VPS13B: variants seen among roughly 807,000 people sequenced by gnomAD.
VPS13B encodes intermembrane lipid transfer protein VPS13B.
Under a neutral mutation model 426.4 loss-of-function variants are expected in VPS13B, and 285 were observed. The ratio of observed to expected loss-of-function variants is 0.67; its 90% CI spans 0.61 to 0.74. VPS13B has a LOEUF of 0.74. Ranked by LOEUF, VPS13B falls within the 30% of genes least tolerant of loss-of-function variation. The pLI is 0.00. For synonymous variants in VPS13B, 1,676 were observed against 1,676.4 expected, an observed-to-expected ratio of 1.00 and a Z score of 0.01; for missense variants, 4,537 against 4,782.6, an observed-to-expected ratio of 0.95 and a Z score of 1.51.
chr8:99,230,743 C>T (rs1816276211), intron 17 of VPS13B, among the ~76,000 whole-genome samples: 1 of 152,194 alleles, frequency 6.6e-6, no homozygotes, highest in Non-Finnish European at 1.5e-5. Context: ...TATACCATGA[C>T]TGTTCTATAA....
intron 3 of VPS13B, among the ~76,000 whole-genome samples, 180 bp from the exon 4 acceptor site, chr8:99,096,131 TA>T (rs1414701441): frequency 6.6e-6 from 1 of 152,146 alleles, no homozygotes; most frequent in East Asian, 1.9e-4. Flanking sequence ...TAATATTTTT[TA>T]AATGCTGTTT....
At chr8:99,315,098 T>C (rs777304777) in intron 19 of VPS13B, among the ~76,000 whole-genome samples, 4 of 152,204 alleles carry the variant, frequency 2.6e-5, no homozygotes, top group Non-Finnish European at 5.9e-5. Context: ...AGTGACTGTT[T>C]ACATTCAAGG....
chr8:99,421,192 G>A (rs1490265956), intron 21 of VPS13B, among the ~76,000 whole-genome samples: 2 of 152,056 alleles, frequency 1.3e-5, no homozygotes, highest in Non-Finnish European at 2.9e-5. Flanking sequence ...GAATCATATT[G>A]TACCAAGTTG....
intron 19 of VPS13B, among the ~76,000 whole-genome samples, chr8:99,380,738 T>G (rs765130707): frequency 6.6e-6 from 1 of 152,052 alleles, no homozygotes; most frequent in African/African-American, 2.4e-5. Flanking sequence ...TTGTTATTAA[T>G]AGTAATTTTC....
At chr8:99,416,137 T>C (rs1475582558) in intron 21 of VPS13B, among the ~76,000 whole-genome samples, 2 of 152,016 alleles carry the variant, frequency 1.3e-5, no homozygotes, top group South Asian at 2.1e-4. Flanking sequence ...TCTAGAGAGG[T>C]AGTCTGGCCA....
chr8:99,630,332 T>C (rs959360255), intron 33 of VPS13B, among the ~76,000 whole-genome samples: 120 of 152,280 alleles, frequency 7.9e-4, no homozygotes, highest in African/African-American at 2.8e-3. Context: ...ACAGTTATGC[T>C]CTTTTTTCAT....
At chr8:99,737,673 G>T (rs1347788810) in intron 39 of VPS13B, among the ~76,000 whole-genome samples, 1 of 152,118 alleles carries the variant, frequency 6.6e-6, no homozygotes, top group Non-Finnish European at 1.5e-5. Context: ...CTACCTTGGT[G>T]CCACAATATT....
chr8:99,072,098 A>T (rs1474142437), intron 3 of VPS13B, among the ~76,000 whole-genome samples: 1 of 152,084 alleles, frequency 6.6e-6, no homozygotes, highest in Non-Finnish European at 1.5e-5. Context: ...CCCAGGCAGC[A>T]AGACAAAGTC....
chr8:99,369,847 G>C (rs1813085909), intron 19 of VPS13B, among the ~76,000 whole-genome samples: 2 of 152,040 alleles, frequency 1.3e-5, no homozygotes, highest in Admixed American at 1.3e-4. Flanking sequence ...AGTGTCCCCA[G>C]TGATTCTATA....
intron 28 of VPS13B, among the ~76,000 whole-genome samples, chr8:99,508,357 G>C (rs1821611102): frequency 6.6e-6 from 1 of 152,064 alleles, no homozygotes; most frequent in East Asian, 1.9e-4. Flanking sequence ...TCATTGATTA[G>C]GTAGATGAAC....
rs1588618043 is a variant in VPS13B at position 99,681,139 on chromosome 8, T to A, written c.6047-18386T>A. Among the ~76,000 whole-genome samples the A allele has an allele frequency of 2.0e-5, 3 of 152,296 alleles. No individual in the cohort carries two copies. In the East Asian group the frequency reaches 5.8e-4, roughly 29 times the overall value. ...ACTGGCTAGATCAAGGATGTGAAAGTTCAGAGAAACATGTTGATGTACTTT... is the reference window on the plus strand; with the variant it reads ...ACTGGCTAGATCAAGGATGTGAAAGATCAGAGAAACATGTTGATGTACTTT... On this transcript the variant is annotated intron_variant, in intron 35 of 61. Transcript: ENST00000357162.
In VPS13B at chr8:99,442,576, A is replaced by G. The variant is rs61759485; in HGVS notation, c.3386A>G (p.Lys1129Arg). 4.9e-3 allele frequency: 7,868 copies of G among 1,614,004 alleles called. 26 individuals carry two copies. Among genetic ancestry groups the G allele is most frequent in the Non-Finnish European group, 5.6e-3 (6,566 of 1,179,910 alleles). Residue 1129 changes from lysine to arginine, a missense_variant, in exon 23 of 62, where the codon AAG becomes AGG. Physicochemically the swap from Lys to Arg is conservative, Grantham distance 26. Around this residue, in one of 2 missense-constraint regions of VPS13B, gnomAD observed 4,311 missense variants for 4,474.3 expected, o/e 0.96. Transcript: ENST00000357162. ...ATAAAGATTATTAGTGCTGGGCACA[A>G]GTATATGGAACCTCTGCAGGAGATT... is the stretch of plus-strand genomic sequence containing the variant. ...PQIKIISAGH[K>R]YMEPLQEIPF...
At chr8:99,038,377 A>C in intron 2 of VPS13B, 46 bp from the exon 3 acceptor site, 1 of 1,453,236 alleles carries the variant, frequency 6.9e-7, no homozygotes, top group Non-Finnish European at 9.3e-7. Flanking sequence ...TATAATAAAA[A>C]ATATTAAGCA....
chr8:99,838,184 G>A (rs12680071), intron 54 of VPS13B, among the ~76,000 whole-genome samples: 24,880 of 152,222 alleles, frequency 0.16, 2,520 homozygotes, highest in East Asian at 0.35. Flanking sequence ...ACCTAGTCAG[G>A]AGACATCTCA....
Position 99,577,537 on chromosome 8 carries a change from C to T in VPS13B, c.5124C>T (p.Asn1708=), listed in dbSNP as rs746586467. The part of the protein sequence containing the change: ...GHSLEVNITT[N]LDFFLSVAQV... ...CCTTAGAAGTGAATATAACCACAAA[C>T]CTGGACTTCTTCCTAAGTGTGGCTC... is the stretch of plus-strand genomic sequence containing the variant. The change falls in exon 33 of 62, where the codon AAC becomes AAT. Residue 1708 remains asparagine (N), a synonymous_variant. Coordinates refer to ENST00000357162, the MANE Select transcript of VPS13B (RefSeq NM_152564.5). 6.8e-6 allele frequency: 11 copies of T among 1,613,836 alleles called. No homozygotes were observed. The South Asian group carries it at 1.1e-4, about 16-fold the overall frequency.
intron 3 of VPS13B, among the ~76,000 whole-genome samples, chr8:99,042,206 G>A (rs1340919113): frequency 6.6e-6 from 1 of 151,800 alleles, no homozygotes; most frequent in East Asian, 1.9e-4. Context: ...TCTAATAGGA[G>A]AAATACTTGT....
intron 19 of VPS13B, among the ~76,000 whole-genome samples, chr8:99,284,736 G>GTGTGTGTGTT (rs1490970770): frequency 6.6e-6 from 1 of 151,722 alleles, no homozygotes; most frequent in African/African-American, 2.4e-5. Context: ...GTGTGTGTGT[G>GTGTGTGTGTT]TTTTTGTAGA....
chr8:99,360,208 CTCTT>C (rs796374954), intron 19 of VPS13B, among the ~76,000 whole-genome samples: 42 of 20,630 alleles, frequency 2.0e-3, no homozygotes, highest in East Asian at 3.9e-3. Flanking sequence ...CTCTCTCTCT[CTCTT>C]TCTTTCTTTC....
intron 17 of VPS13B, among the ~76,000 whole-genome samples, chr8:99,239,346 C>CA (rs1325168915): frequency 1.3e-5 from 2 of 152,052 alleles, no homozygotes; most frequent in Admixed American, 6.6e-5. Context: ...CTAGAATTGA[C>CA]AAAATCAGTC....
Sources: allele counts gnomAD v4.1 joint callset (sites outside exome capture counted in the v4.1 genomes callset), GRCh38; gene constraint gnomAD v4.1.1; regional missense constraint gnomAD v4.1.1; transcripts MANE v1.5; gene names NCBI Gene and HGNC (gene_info 2026-07-23, HGNC 2026-07-21).